The following COL6A3 variants were observed in gnomAD, a reference collection of about 807,000 sequenced individuals.
COL6A3 encodes the protein collagen type VI alpha 3 chain.
COL6A3 carries 137 observed loss-of-function variants against 274.1 expected under a neutral mutation model. That is an observed-to-expected ratio of 0.50 (90% CI 0.44 to 0.58). COL6A3 has a LOEUF of 0.58. Among genes scored for constraint, COL6A3 ranks in the 20% least tolerant of loss-of-function variants. COL6A3 has a pLI of 0.00. For missense variants in COL6A3, 3,950 were observed against 4,124.9 expected, an observed-to-expected ratio of 0.96 and a Z score of 1.16; for synonymous variants, 1,650 against 1,650.6, an observed-to-expected ratio of 1.00 and a Z score of 0.01.
rs1559279057 is a variant in COL6A3 at position 237,394,680 on chromosome 2, G to A, written c.616C>T (p.Leu206Phe). The A allele has an allele frequency of 7.4e-6, 12 of 1,614,252 alleles. No individual in the cohort carries two copies. Among genetic ancestry groups the A allele is most frequent in the South Asian group, 1.1e-5 (1 of 91,092 alleles). Reference protein sequence around the residue: ...HMFNLENFTSLHDIVGNLVSC... With the variant: ...HMFNLENFTSFHDIVGNLVSC... ...ACTAAGTTTCCTACTATGTCATGAA[G>A]TGAGGTAAAATTCTCTAGGTTGAAC... The change falls in exon 3 of 44, where the codon CTT becomes TTT. Residue 206 changes from leucine (L) to phenylalanine (F), a missense_variant. Leu to Phe is a conservative substitution (Grantham distance 22). Around this residue, in one of 5 missense-constraint regions of COL6A3, gnomAD observed 1,934 missense variants for 1,984.3 expected, o/e 0.97. Coordinates refer to ENST00000295550, the MANE Select transcript of COL6A3 (RefSeq NM_004369.4).
chr2:237,377,476 G>A (rs1251874978), intron 6 of COL6A3, 132 bp from the exon 7 acceptor site: 3 of 844,612 alleles, frequency 3.6e-6, no homozygotes, highest in Middle Eastern at 3.3e-4. Flanking sequence ...AGCAAGAGAA[G>A]AGAAAACCCA....
At position 237,394,680 on chromosome 2, in the gene COL6A3, G is replaced by GT. The variant is rs1559279061; in HGVS notation, c.615dup (p.Leu206ThrfsTer3). On this transcript the variant is annotated frameshift_variant, in exon 3 of 44. Transcript: ENST00000295550. LOFTEE classifies it high-confidence loss of function. ...ACTAAGTTTCCTACTATGTCATGAAGTGAGGTAAAATTCTCTAGGTTGAAC... is the reference window on the plus strand; with the variant it reads ...ACTAAGTTTCCTACTATGTCATGAAGTTGAGGTAAAATTCTCTAGGTTGAAC... 6.2e-7 allele frequency: 1 copy of GT among 1,614,252 alleles called. No individual in the cohort carries two copies. Among genetic ancestry groups the GT allele is most frequent in the Admixed American group, 1.7e-5 (1 of 60,032 alleles).
chr2:237,336,072 A>G, intron 40 of COL6A3, 63 bp downstream of exon 40: 2 of 1,594,246 alleles, frequency 1.3e-6, no homozygotes, highest in South Asian at 2.2e-5. Context: ...GCTTTGAGGA[A>G]CACACCCTGG....
Position 237,361,579 on chromosome 2 carries a change from C to T in COL6A3, c.6156+160G>A, listed in dbSNP as rs930034892. Among the ~76,000 whole-genome samples, 8 of 152,170 alleles carry T rather than the reference C, an allele frequency of 5.3e-5. No homozygotes were observed. Among genetic ancestry groups the T allele is most frequent in the South Asian group, 2.1e-4 (1 of 4,824 alleles). On this transcript the variant is annotated intron_variant, in intron 15 of 43. Coordinates refer to ENST00000295550, the MANE Select transcript of COL6A3 (RefSeq NM_004369.4). This position sits in a 1 kb window ranked among gnomAD's most constrained non-coding sequence, Gnocchi z 5.1. ...TGGAACAGGCCCCAGCAGAACAGCA[C>T]GCAGGTCTGCCCCTCAGAGCTCCTC...
intron 23 of COL6A3, 161 bp from the exon 24 acceptor site, chr2:237,355,095 C>T: frequency 1.5e-6 from 1 of 652,656 alleles, no homozygotes; most frequent in Non-Finnish European, 2.7e-6. Flanking sequence ...ACCTCATCAG[C>T]CCTGGGGAAA....
At chr2:237,365,619 T>C (rs867048107) in intron 12 of COL6A3, 79 bp downstream of exon 12, 1 of 1,279,368 alleles carries the variant, frequency 7.8e-7, no homozygotes, top group Middle Eastern at 2.1e-4. Context: ...AGGATTTAAC[T>C]TGGGGGAAGG....
intron 32 of COL6A3, 113 bp downstream of exon 32, chr2:237,346,390 A>G (rs2077097673): frequency 1.1e-6 from 1 of 907,560 alleles, no homozygotes; most frequent in African/African-American, 1.7e-5. Flanking sequence ...AACCAAGCAA[A>G]TACAAAGAGA....
intron 27 of COL6A3, among the ~76,000 whole-genome samples, chr2:237,350,534 T>C (rs2077183891): frequency 6.6e-6 from 1 of 152,186 alleles, no homozygotes; most frequent in African/African-American, 2.4e-5. Context: ...GCAGAGACCA[T>C]CGTGGATTCA....
At chr2:237,347,950 G>A (rs1279774279) in intron 30 of COL6A3, 81 bp from the exon 31 acceptor site, 5 of 1,311,544 alleles carry the variant, frequency 3.8e-6, no homozygotes, top group Admixed American at 1.9e-5. Context: ...AGACATCCAG[G>A]AGACGTGTGG....
At chr2:237,404,438 T>C (rs1386015876) in intron 1 of COL6A3, among the ~76,000 whole-genome samples, 2 of 152,324 alleles carry the variant, frequency 1.3e-5, no homozygotes, top group Admixed American at 1.3e-4. Flanking sequence ...GTTTAATCCA[T>C]GTTCAAGAGG....
Position 237,387,829 on chromosome 2 carries a change from G to A in COL6A3, c.1065C>T (p.Ala355=), listed in dbSNP as rs115155458. The change falls in exon 4 of 44, where the codon GCC becomes GCT. Residue 355 remains alanine (A), a synonymous_variant. Transcript: ENST00000295550. ...AGCGAATCTCGTCACTAGAAGGCCC[G>A]GCACTTATGAGGACCAGCACCTGGG... ...GVPQVLVLIS[A]GPSSDEIRYG... 1.8e-4 allele frequency: 293 copies of A among 1,614,132 alleles called. No individual in the cohort carries two copies. The East Asian group carries it at 4.3e-3, about 24-fold the overall frequency.
chr2:237,413,818 C>G lies in COL6A3; in HGVS notation c.-31+135G>C, dbSNP rs2078913904. ...AAAATCAGCGGAATCTTCCAGAGAC[C>G]TAAAACATGTACAGAAAACTGGCGA... On this transcript the variant is annotated intron_variant, in intron 1 of 43. Transcript: ENST00000295550. The surrounding 1 kb of genome is among the most constrained non-coding windows in gnomAD (Gnocchi z 4.0). 1 of 152,090 alleles carries G rather than the reference C, an allele frequency of 6.6e-6. No homozygotes were observed. Among genetic ancestry groups the G allele is most frequent in the African/African-American group, 2.4e-5 (1 of 41,390 alleles). The allele number at this position is 152,090 out of a possible 1,614,324, so 9.4% of individuals were successfully genotyped here. A position where few individuals can be genotyped will look rare whatever the true frequency, so the allele number is the denominator to read the frequency against.
intron 42 of COL6A3, among the ~76,000 whole-genome samples, chr2:237,332,067 C>A (rs1009614244): frequency 5.1e-5 from 2 of 38,842 alleles, no homozygotes; most frequent in South Asian, 1.3e-3. Context: ...CTCTCTCTCT[C>A]TACATATATA....
At chr2:237,337,905 G>T (rs928519549) in intron 39 of COL6A3, among the ~76,000 whole-genome samples, 1 of 151,668 alleles carries the variant, frequency 6.6e-6, no homozygotes, top group Non-Finnish European at 1.5e-5. Context: ...CATAGAACAT[G>T]CACATGACTT....
rs1243757221 is a variant in COL6A3, at chr2:237,372,045, G to A, written c.3972C>T (p.Phe1324=). 3.7e-6 allele frequency: 6 copies of A among 1,614,076 alleles called. No homozygotes were observed. Among genetic ancestry groups the A allele is most frequent in the Non-Finnish European group, 5.1e-6 (6 of 1,180,036 alleles). The change falls in exon 9 of 44, where the codon TTC becomes TTT. Residue 1324 remains phenylalanine, a synonymous_variant. Coordinates refer to ENST00000295550, the MANE Select transcript of COL6A3 (RefSeq NM_004369.4). ...NALEYVSRNI[F]KRPLGSRIEE... is the part of the protein sequence containing the mutation. Reference sequence around the variant, plus strand: ...CAATGCGGCTCCCCAGGGGCCTCTTGAAGATGTTCCTGGACACGTACTCCA... The same window carrying A: ...CAATGCGGCTCCCCAGGGGCCTCTTAAAGATGTTCCTGGACACGTACTCCA...
intron 1 of COL6A3, among the ~76,000 whole-genome samples, chr2:237,410,455 C>T (rs918232362): frequency 1.6e-4 from 24 of 151,990 alleles, no homozygotes; most frequent in African/African-American, 5.3e-4. Flanking sequence ...GCACATGCCA[C>T]CATGCCTGGT....
Position 237,388,162 on chromosome 2 carries a change from A to T in COL6A3, c.732T>A (p.Ile244=), listed in dbSNP as rs2078201135. 3 of 1,614,032 alleles carry T rather than the reference A, an allele frequency of 1.9e-6. No individual in the cohort carries two copies. In the South Asian group the frequency reaches 3.3e-5, roughly 18 times the overall value. ...DITAQDSADI[I]FLIDGSNNTG... ...TGTTGTTTGATCCATCAATAAGGAA[A>T]ATAATGTCAGCAGAGTCTTGTGCTT... Residue 244 remains isoleucine, a synonymous_variant, in exon 4 of 44, where the codon ATT becomes ATA. Transcript: ENST00000295550.
chr2:237,387,173 C>T (rs990608559), intron 4 of COL6A3, among the ~76,000 whole-genome samples: 4 of 152,180 alleles, frequency 2.6e-5, no homozygotes, highest in Non-Finnish European at 5.9e-5. Context: ...TCTATGAGCA[C>T]ACTTCTAACA....
chr2:237,396,659 A>T, intron 2 of COL6A3, 68 bp downstream of exon 2: 9 of 1,473,412 alleles, frequency 6.1e-6, no homozygotes, highest in Non-Finnish European at 8.6e-6. Context: ...TCAGTGCCTG[A>T]TGTCTAAGAT....
Sources: allele counts gnomAD v4.1 joint callset (sites outside exome capture counted in the v4.1 genomes callset), GRCh38; gene constraint gnomAD v4.1.1; regional missense constraint gnomAD v4.1.1; non-coding constraint Gnocchi (gnomAD v3.1); transcripts MANE v1.5; gene names NCBI Gene and HGNC (gene_info 2026-07-23, HGNC 2026-07-21).